The following MUC5B variants were observed in gnomAD, a reference collection of about 807,000 sequenced individuals.
MUC5B encodes the protein mucin 5B, oligomeric mucus/gel-forming.
In MUC5B, 116 loss-of-function variants were observed where a neutral mutation model predicts 376.9. The ratio of observed to expected loss-of-function variants is 0.31; its 90% CI spans 0.26 to 0.36. MUC5B has a LOEUF of 0.36. Among genes scored for constraint, MUC5B ranks in the 10% least tolerant of loss-of-function variants. The pLI, the probability that MUC5B is intolerant of heterozygous loss-of-function variation, is 1.00. For missense variants in MUC5B, 7,165 were observed against 7,769.9 expected (o/e 0.92, Z 2.93); for synonymous variants, 3,517 against 3,390.9 (o/e 1.04, Z -1.29).
At chr11:1,260,924 C>T (rs55906099) in intron 48 of MUC5B, among the ~76,000 whole-genome samples, 196 bp downstream of exon 48, 62 of 152,314 alleles carry the variant, frequency 4.1e-4, no homozygotes, top group African/African-American at 1.4e-3. Flanking sequence ...CTAGCCAGGC[C>T]AGGGCCCGGC....
Position 1,223,149 on chromosome 11 carries a change from C to T in MUC5B, c.26C>T (p.Thr9Met), listed in dbSNP as rs917540758. ...ATGGGTGCCCCGAGCGCGTGCCGGA[C>T]GCTGGTGTTGGCTCTGGCGGCCATG... is the stretch of plus-strand genomic sequence containing the variant. MGAPSACRTLVLALAAMLV... is the reference protein window; with the variant it reads MGAPSACRMLVLALAAMLV... Residue 9 changes from threonine to methionine, a missense_variant, in exon 1 of 49, where the codon ACG (threonine) becomes ATG (methionine). Transcript: ENST00000529681. 21 of 708,524 alleles carry T rather than the reference C, an allele frequency of 3.0e-5. No individual in the cohort carries two copies. Among genetic ancestry groups the T allele is most frequent in the African/African-American group, 7.0e-5 (4 of 57,218 alleles). 43.9% of individuals were successfully genotyped at this position (708,524 alleles called of 1,614,324 possible). A position where few individuals can be genotyped will look rare whatever the true frequency, so the allele number is the denominator to read the frequency against.
intron 8 of MUC5B, 96 bp from the exon 9 acceptor site, chr11:1,229,074 T>C (rs1014843812): frequency 5.8e-6 from 8 of 1,374,072 alleles, no homozygotes; most frequent in African/African-American, 4.4e-5. Context: ...TCTGTGGACT[T>C]GATGGCATGT....
chr11:1,230,917 C>A lies in MUC5B; in HGVS notation c.1471-19C>A. ...GGGTTCCTCCCCAGAGCTGACCTCC[C>A]GCCCGCCTCCTTCCGCAGGCCATCC... On this transcript the variant is annotated intron_variant, in intron 12 of 48. Transcript: ENST00000529681. 6.4e-7 allele frequency: 1 copy of A among 1,573,590 alleles called. No homozygotes were observed. Among genetic ancestry groups the A allele is most frequent in the Non-Finnish European group, 8.6e-7 (1 of 1,160,430 alleles).
In MUC5B at chr11:1,249,436, G is replaced by C; in HGVS notation, c.12556G>C (p.Glu4186Gln). The stretch of plus-strand genomic sequence containing the variant: ...GGCCCAGCCTGGTGTCCCCCTGGGG[G>C]AGTTGGGCCAGGTCGTGGAATGCAG... The part of the protein sequence containing the change: ...AQAQPGVPLG[E>Q]LGQVVECSLD... Residue 4186 changes from glutamate (E) to glutamine (Q), a missense_variant, in exon 31 of 49, where the codon GAG (glutamate) becomes CAG (glutamine). By Grantham distance (29) the Glu-to-Gln change is conservative (BLOSUM62 2). This residue lies in a region of MUC5B where 34 missense variants were observed against 25.7 expected (regional missense o/e 1.32). Transcript: ENST00000529681. 1 of 1,611,480 alleles carries C rather than the reference G, an allele frequency of 6.2e-7. No individual in the cohort carries two copies. The highest frequency in any genetic ancestry group is 8.5e-7 in the Non-Finnish European group (1 of 1,179,630).
chr11:1,232,783 G>T lies in MUC5B; in HGVS notation c.2065+13G>T, dbSNP rs1192719724. On this transcript the variant is annotated intron_variant, in intron 17 of 48. Transcript: ENST00000529681. ...GACGGCGTCTGCAGTGAGTGCCCACGCTGGGGGTGGGATGTGTCCACACCG... is the reference window on the plus strand; with the variant it reads ...GACGGCGTCTGCAGTGAGTGCCCACTCTGGGGGTGGGATGTGTCCACACCG... 1 of 1,583,254 alleles carries T rather than the reference G, an allele frequency of 6.3e-7. No individual in the cohort carries two copies. The highest frequency in any genetic ancestry group is 1.7e-4 in the Middle Eastern group (1 of 5,804).
Position 1,257,312 on chromosome 11 carries a change from G to C in MUC5B, c.16269+41G>C, listed in dbSNP as rs771630375. 19 of 789,532 alleles carry C rather than the reference G, an allele frequency of 2.4e-5. No individual in the cohort carries two copies. The African/African-American group carries it at 2.5e-4, about 10-fold the overall frequency. 48.9% of individuals were successfully genotyped at this position (789,532 alleles called of 1,614,324 possible). ...CCCACCTGCCCTACCCCACCCTCTCGCGAGCTGAGGGAGGGAGGGAAGGAG... is the reference window on the plus strand; with the variant it reads ...CCCACCTGCCCTACCCCACCCTCTCCCGAGCTGAGGGAGGGAGGGAAGGAG... On this transcript the variant is annotated intron_variant, in intron 40 of 48. Transcript: ENST00000529681. This position sits in a 1 kb window ranked among gnomAD's most constrained non-coding sequence, Gnocchi z 8.9.
chr11:1,252,661 G>A (rs1369618881), intron 32 of MUC5B, 137 bp downstream of exon 32: 4 of 1,367,986 alleles, frequency 2.9e-6, no homozygotes, highest in Non-Finnish European at 3.9e-6. Flanking sequence ...GAGGCACACA[G>A]GGCCTAGGGG....
At position 1,254,799 on chromosome 11, in the gene MUC5B, G is replaced by C; in HGVS notation, c.15583G>C (p.Val5195Leu). The change falls in exon 35 of 49, where the codon GTG becomes CTG. Residue 5195 changes from valine (V) to leucine (L), a missense_variant. Around this residue, in one of 31 missense-constraint regions of MUC5B, gnomAD observed 842 missense variants for 1,016.9 expected, o/e 0.83. Coordinates refer to ENST00000529681, the MANE Select transcript of MUC5B (RefSeq NM_002458.3). ...TMRVDIPALG[V>L]SVTFNGQVFQ... ...GCGTGTGGACATTCCTGCCCTGGGC[G>C]TGAGCGTCACCTTCAATGGCCAAGT... The C allele has an allele frequency of 6.2e-7, 1 of 1,612,756 alleles. No individual in the cohort carries two copies. Among genetic ancestry groups the C allele is most frequent in the Non-Finnish European group, 8.5e-7 (1 of 1,179,800 alleles).
Position 1,247,845 on chromosome 11 carries a change from G to A in MUC5B, c.10965G>A (p.Met3655Ile), listed in dbSNP as rs1250877005. 3.1e-6 allele frequency: 5 copies of A among 1,607,520 alleles called. No individual in the cohort carries two copies. Among genetic ancestry groups the A allele is most frequent in the Middle Eastern group, 2.2e-4 (1 of 4,606 alleles). ...GTGAGCAGGTGGGGAAGTTCAAGAT[G>A]TGCTTCAACTATGAAATCCGTGTGT... ...RNREQVGKFK[M>I]CFNYEIRVFC... The change falls in exon 31 of 49, where the codon ATG becomes ATA. Residue 3655 changes from methionine (M) to isoleucine (I), a missense_variant. Physicochemically the swap from Met to Ile is conservative, Grantham distance 10. Transcript: ENST00000529681.
chr11:1,250,348 G>A lies in MUC5B; in HGVS notation c.13468G>A (p.Val4490Ile), dbSNP rs374217936. Residue 4490 changes from valine to isoleucine, a missense_variant, in exon 31 of 49, where the codon GTC (valine) becomes ATC (isoleucine). Coordinates refer to ENST00000529681, the MANE Select transcript of MUC5B (RefSeq NM_002458.3). ...HVSTTATTPT[V>I]TSSKATPSSS... ...GAGCACCACGGCCACGACACCCACA[G>A]TCACCAGCTCCAAAGCCACTCCCTC... 1.2e-6 allele frequency: 2 copies of A among 1,613,068 alleles called. No individual in the cohort carries two copies. Among genetic ancestry groups the A allele is most frequent in the African/African-American group, 2.7e-5 (2 of 74,710 alleles).
rs765389427 is a variant in MUC5B at position 1,230,552 on chromosome 11, C to T, written c.1422C>T (p.Asn474=). The change falls in exon 12 of 49, where the codon AAC becomes AAT. Residue 474 remains asparagine, a synonymous_variant. Coordinates refer to ENST00000529681, the MANE Select transcript of MUC5B (RefSeq NM_002458.3). ...TGCGGAAGTGCGGCCTGACGGACAA[C>T]GAGAACTGCCTGAAAGCGGTGACGC... ...AELRKCGLTD[N]ENCLKAVTLS... 12 of 1,611,714 alleles carry T rather than the reference C, an allele frequency of 7.4e-6. No homozygotes were observed. Among genetic ancestry groups the T allele is most frequent in the East Asian group, 2.2e-5 (1 of 44,880 alleles).
intron 19 of MUC5B, 36 bp downstream of exon 19, chr11:1,233,884 G>C (rs780645322): frequency 3.9e-6 from 6 of 1,539,944 alleles, no homozygotes; most frequent in Non-Finnish European, 5.3e-6. Context: ...GCCCTGCCCC[G>C]CCCCGCATCA....
intron 25 of MUC5B, among the ~76,000 whole-genome samples, chr11:1,237,985 G>A (rs897097481): frequency 6.6e-6 from 1 of 152,246 alleles, no homozygotes; most frequent in South Asian, 2.1e-4. Flanking sequence ...GCTGGCGTAG[G>A]GGCAGCAGTG....
chr11:1,252,260 T>C, intron 31 of MUC5B, 83 bp from the exon 32 acceptor site: 2 of 1,375,302 alleles, frequency 1.5e-6, no homozygotes, highest in Non-Finnish European at 2.0e-6. Flanking sequence ...CCTCCTGCGC[T>C]GACCTCTGCC....
Position 1,234,570 on chromosome 11 carries a change from G to A in MUC5B, c.2520G>A (p.Gly840=). 1 of 1,581,026 alleles carries A rather than the reference G, an allele frequency of 6.3e-7. No individual in the cohort carries two copies. Among genetic ancestry groups the A allele is most frequent in the Non-Finnish European group, 8.6e-7 (1 of 1,164,356 alleles). ...HCVSGCVCPP[G]LVSDGSGGCI... ...TGTCCGGCTGTGTCTGTCCCCCGGG[G>A]CTGGTGTCGGATGGGAGTGGGGGCT... Residue 840 remains glycine, a synonymous_variant, in exon 21 of 49, where the codon GGG becomes GGA. Transcript: ENST00000529681. This position sits in a 1 kb window ranked among gnomAD's most constrained non-coding sequence, Gnocchi z 6.3.
At chr11:1,231,706 C>T (rs1166374235) in intron 14 of MUC5B, 146 bp downstream of exon 14, 16 of 1,117,672 alleles carry the variant, frequency 1.4e-5, no homozygotes, top group South Asian at 3.3e-5. Context: ...CTGGTGCCAG[C>T]GCAGGACACC....
rs760116197 is a variant in MUC5B at position 1,251,141 on chromosome 11, C to T, written c.14261C>T (p.Pro4754Leu). The change falls in exon 31 of 49, where the codon CCC (proline) becomes CTC (leucine). Residue 4754 changes from proline (P) to leucine (L), a missense_variant. Around this residue, in one of 31 missense-constraint regions of MUC5B, gnomAD observed 730 missense variants for 592.7 expected, o/e 1.23. Transcript: ENST00000529681. ...KSTATSFTPI[P>L]SSTLWTTWTV... ...ACAGCTACCAGCTTTACACCCATCCCCTCCTCCACCCTGTGGACCACGTGG... is the reference window on the plus strand; with the variant it reads ...ACAGCTACCAGCTTTACACCCATCCTCTCCTCCACCCTGTGGACCACGTGG... 2.5e-6 allele frequency: 4 copies of T among 1,611,430 alleles called. No individual in the cohort carries two copies. The highest frequency in any genetic ancestry group is 1.1e-5 in the South Asian group (1 of 91,040).
intron 38 of MUC5B, 73 bp from the exon 39 acceptor site, chr11:1,256,598 T>C: frequency 1.8e-6 from 2 of 1,137,666 alleles, no homozygotes; most frequent in Non-Finnish European, 2.5e-6. Context: ...CTGCCCATCC[T>C]GGGGACTCAC....
chr11:1,249,392 G>C lies in MUC5B; in HGVS notation c.12512G>C (p.Gly4171Ala). The C allele has an allele frequency of 1.9e-6, 3 of 1,611,222 alleles. No homozygotes were observed. The highest frequency in any genetic ancestry group is 2.5e-6 in the Non-Finnish European group (3 of 1,179,620). ...GGGGCCGTCTGTGAGCAGCCCCTGG[G>C]CCTCGAGTGCCGTGCCCAGGCCCAG... ...AGGAVCEQPL[G>A]LECRAQAQPG... is the part of the protein sequence containing the mutation. Residue 4171 changes from glycine to alanine, a missense_variant, in exon 31 of 49, where the codon GGC (glycine) becomes GCC (alanine). Physicochemically the swap from Gly to Ala is moderately conservative, Grantham distance 60. Coordinates refer to ENST00000529681, the MANE Select transcript of MUC5B (RefSeq NM_002458.3).
Sources: gnomAD v4.1 joint callset for allele counts (sites outside exome capture counted in the v4.1 genomes callset) on GRCh38, gnomAD v4.1.1 for gene constraint, gnomAD v4.1.1 regional missense constraint, Gnocchi (gnomAD v3.1) non-coding constraint, MANE v1.5 for transcripts, NCBI Gene and HGNC (gene_info 2026-07-23, HGNC 2026-07-21) for gene names.